Variants in SNX29 observed in about 807,000 individuals in gnomAD.
SNX29 encodes sorting nexin-29.
A neutral mutation model predicts 102.1 loss-of-function variants in SNX29; 78 were observed. The ratio of observed to expected loss-of-function variants is 0.76; its 90% CI spans 0.64 to 0.92. The LOEUF (loss-of-function observed/expected upper bound fraction) is 0.92, where lower values mean the gene tolerates loss of function less well. Among genes scored for constraint, SNX29 ranks in the 40% least tolerant of loss-of-function variants. The pLI is 0.00. For synonymous variants in SNX29, 580 were observed against 414.5 expected (o/e 1.40, Z -4.85); for missense variants, 1,280 against 1,061.7 (o/e 1.21, Z -2.86).
intron 20 of SNX29, chr16:12,526,840 G>T: frequency 5.0e-6 from 2 of 403,184 alleles, no homozygotes; most frequent in South Asian, 2.4e-5. Flanking sequence ...AAACATTCGC[G>T]TGCCGAATTG....
chr16:12,568,410 G>A (rs1273792764), intron 20 of SNX29, 96 bp from the exon 21 acceptor site: 3 of 1,518,780 alleles, frequency 2.0e-6, no homozygotes, highest in Admixed American at 1.9e-5. Flanking sequence ...TTGCCAATCA[G>A]ATCCCTCCTG....
chr16:12,092,661 G>T (rs1428936213), intron 11 of SNX29, among the ~76,000 whole-genome samples: 1 of 152,188 alleles, frequency 6.6e-6, no homozygotes, highest in African/African-American at 2.4e-5. Flanking sequence ...AGTGGAGGAG[G>T]CTTCCCTCAA....
At chr16:12,505,455 A>G (rs186214730) in intron 19 of SNX29, among the ~76,000 whole-genome samples, 47 of 152,350 alleles carry the variant, frequency 3.1e-4, no homozygotes, top group Admixed American at 5.9e-4. Context: ...CTAGAATTTC[A>G]GTTCTTTTTC....
intron 18 of SNX29, among the ~76,000 whole-genome samples, chr16:12,447,515 C>G (rs761939070): frequency 1.3e-5 from 2 of 152,176 alleles, no homozygotes; most frequent in Non-Finnish European, 2.9e-5. Flanking sequence ...TCCAGAGAAA[C>G]CACCCGGACA....
chr16:12,228,668 G>A lies in SNX29; in HGVS notation c.1678+28985G>A, dbSNP rs150886017. Reference sequence around the variant, plus strand: ...CCACCTTTTCAACCCTGTCTGGTGCGCAGCTCCCCAACCTATGCTGTTCTC... The same window carrying A: ...CCACCTTTTCAACCCTGTCTGGTGCACAGCTCCCCAACCTATGCTGTTCTC... On this transcript the variant is annotated intron_variant, in intron 14 of 20. Transcript: ENST00000566228. Among the ~76,000 whole-genome samples, 592 of 152,314 alleles carry A rather than the reference G, an allele frequency of 3.9e-3. 5 individuals are homozygous for A. The highest frequency in any genetic ancestry group is 0.014 in the African/African-American group (565 of 41,566).
chr16:12,541,403 A>T (rs1489948707), intron 20 of SNX29, among the ~76,000 whole-genome samples: 1 of 152,164 alleles, frequency 6.6e-6, no homozygotes, highest in Non-Finnish European at 1.5e-5. Context: ...CATTGTACAG[A>T]TAAAGAAACT....
intron 20 of SNX29, 35 bp from the exon 21 acceptor site, chr16:12,568,471 C>G (rs2288422): frequency 0.24 from 384,016 of 1,604,338 alleles, 48,072 homozygotes; most frequent in East Asian, 0.44. Context: ...CTTTTCATCC[C>G]CAGACTTAAC....
At chr16:12,359,564 T>C (rs1238492571) in intron 16 of SNX29, among the ~76,000 whole-genome samples, 1 of 152,216 alleles carries the variant, frequency 6.6e-6, no homozygotes, top group Non-Finnish European at 1.5e-5. Context: ...GTCTTTGGCT[T>C]AATCATTCAC....
At chr16:12,480,522 C>G (rs1330032580) in intron 19 of SNX29, among the ~76,000 whole-genome samples, 3 of 152,176 alleles carry the variant, frequency 2.0e-5, no homozygotes, top group South Asian at 4.1e-4. Context: ...CTCAAGATCC[C>G]TAACTTAACC....
chr16:11,999,149 A>G, intron 1 of SNX29, 148 bp from the exon 2 acceptor site: 3 of 672,854 alleles, frequency 4.5e-6, no homozygotes, highest in South Asian at 1.9e-5. Flanking sequence ...GTAACAGGCA[A>G]TAGCCAAACT....
Position 12,372,066 on chromosome 16 carries a change from G to T in SNX29, c.1899+15787G>T, listed in dbSNP as rs573515767. Among the ~76,000 whole-genome samples the T allele has an allele frequency of 4.0e-4, 61 of 152,158 alleles. 1 individual carries two copies. The highest frequency in any genetic ancestry group is 1.2e-4 in the Non-Finnish European group (8 of 68,034). ...CAAAAGACAAGTGTTCCCTCCTAGCGATCCTGCTGTGAAGCGTTTGGTATA... is the reference window on the plus strand; with the variant it reads ...CAAAAGACAAGTGTTCCCTCCTAGCTATCCTGCTGTGAAGCGTTTGGTATA... On this transcript the variant is annotated intron_variant, in intron 16 of 20. Coordinates refer to ENST00000566228, the MANE Select transcript of SNX29 (RefSeq NM_032167.5).
At chr16:12,218,662 A>G (rs1252493772) in intron 14 of SNX29, among the ~76,000 whole-genome samples, 1 of 152,230 alleles carries the variant, frequency 6.6e-6, no homozygotes, top group Non-Finnish European at 1.5e-5. Flanking sequence ...CAAAAGATGT[A>G]TAGCTAAATC....
intron 20 of SNX29, among the ~76,000 whole-genome samples, chr16:12,568,303 T>TAAAA (rs10633753): frequency 0.049 from 3,919 of 80,650 alleles, 205 homozygotes; most frequent in African/African-American, 0.14. Flanking sequence ...CGGAGTGCTG[T>TAAAA]TAAAAAAAAA....
intron 13 of SNX29, among the ~76,000 whole-genome samples, chr16:12,152,038 G>A (rs1219256677): frequency 6.6e-6 from 1 of 151,994 alleles, no homozygotes; most frequent in Non-Finnish European, 1.5e-5. Context: ...GGGCAATGTG[G>A]TGAAACCGCA....
intron 15 of SNX29, among the ~76,000 whole-genome samples, chr16:12,325,032 G>C (rs909816496): frequency 2.0e-5 from 3 of 152,128 alleles, no homozygotes; most frequent in African/African-American, 7.2e-5. Context: ...CAATCTTGTA[G>C]AACGACAGCC....
At chr16:12,555,327 C>A (rs541652003) in intron 20 of SNX29, among the ~76,000 whole-genome samples, 2 of 151,832 alleles carry the variant, frequency 1.3e-5, no homozygotes, top group African/African-American at 4.8e-5. Context: ...CCCAGTGTTT[C>A]TTGGCACCTG....
At chr16:12,202,986 GT>G (rs1567307033) in intron 14 of SNX29, among the ~76,000 whole-genome samples, 1 of 151,202 alleles carries the variant, frequency 6.6e-6, no homozygotes, top group Admixed American at 6.6e-5. Context: ...TGGCCCCGCT[GT>G]CAGGTGGACT....
chr16:12,276,841 G>C lies in SNX29; in HGVS notation c.1679-1092G>C, dbSNP rs141862768. 5.9e-5 allele frequency among the ~76,000 whole-genome samples: 9 copies of C among 152,286 alleles called. No homozygotes were observed. The East Asian group carries it at 1.7e-3, about 29-fold the overall frequency. The stretch of plus-strand genomic sequence containing the variant: ...TACATAATCATGGAAACACTACTCA[G>C]AGCCGTTTGTGTGCATGCTTGCTCT... On this transcript the variant is annotated intron_variant, in intron 14 of 20. Coordinates refer to ENST00000566228, the MANE Select transcript of SNX29 (RefSeq NM_032167.5).
At chr16:12,137,190 G>C (rs1419709891) in intron 13 of SNX29, among the ~76,000 whole-genome samples, 1 of 152,216 alleles carries the variant, frequency 6.6e-6, no homozygotes, top group East Asian at 1.9e-4. Flanking sequence ...TACATCAGCT[G>C]AGGCTCCTAA....
Sources: allele counts gnomAD v4.1 joint callset (sites outside exome capture counted in the v4.1 genomes callset), GRCh38; gene constraint gnomAD v4.1.1; transcripts MANE v1.5; gene names NCBI Gene and HGNC (gene_info 2026-07-23, HGNC 2026-07-21).